ANKS1B: variants seen among roughly 807,000 people sequenced by gnomAD.
ANKS1B encodes ankyrin repeat and sterile alpha motif domain-containing protein 1B.
A neutral mutation model predicts 148.3 loss-of-function variants in ANKS1B; 36 were observed. That is an observed-to-expected ratio of 0.24 (90% CI 0.19 to 0.32). ANKS1B has a LOEUF of 0.32. Ranked by LOEUF, ANKS1B falls within the 10% of genes least tolerant of loss-of-function variation. The pLI is 1.00. For synonymous variants in ANKS1B, 542 were observed against 560.8 expected (o/e 0.97, Z 0.47); for missense variants, 1,157 against 1,542.6 (o/e 0.75, Z 4.19).
intron 11 of ANKS1B, among the ~76,000 whole-genome samples, chr12:99,428,732 T>C (rs996528822): frequency 2.0e-5 from 3 of 152,120 alleles, no homozygotes; most frequent in Non-Finnish European, 2.9e-5. Flanking sequence ...AACAGTGACA[T>C]CCCAGTAGCA....
chr12:99,232,659 G>C (rs531931343), intron 14 of ANKS1B, among the ~76,000 whole-genome samples: 1 of 152,278 alleles, frequency 6.6e-6, no homozygotes, highest in South Asian at 2.1e-4. Context: ...TTCCTAACTT[G>C]AAAGCACTTT....
At chr12:98,917,517 C>T (rs1017549645) in intron 17 of ANKS1B, among the ~76,000 whole-genome samples, 15 of 152,196 alleles carry the variant, frequency 9.9e-5, no homozygotes, top group Non-Finnish European at 2.1e-4. Context: ...ACTCAATTTC[C>T]ATTTGCATGA....
At chr12:99,356,264 G>C (rs537749064) in intron 12 of ANKS1B, among the ~76,000 whole-genome samples, 2 of 152,130 alleles carry the variant, frequency 1.3e-5, no homozygotes, top group African/African-American at 4.8e-5. Flanking sequence ...CTGTGCCAGC[G>C]TAAGTTGCTG....
chr12:99,022,212 A>G (rs929511506), intron 17 of ANKS1B, among the ~76,000 whole-genome samples: 5 of 152,162 alleles, frequency 3.3e-5, no homozygotes, highest in Non-Finnish European at 7.3e-5. Flanking sequence ...AAATATTGCT[A>G]TACCTATTCC....
chr12:99,049,780 T>C (rs2099964763), intron 17 of ANKS1B, among the ~76,000 whole-genome samples: 2 of 152,228 alleles, frequency 1.3e-5, no homozygotes, highest in Non-Finnish European at 2.9e-5. Flanking sequence ...GGGACACACG[T>C]GGATATTGCT....
At chr12:99,496,911 G>A (rs936791159) in intron 10 of ANKS1B, among the ~76,000 whole-genome samples, 4 of 152,122 alleles carry the variant, frequency 2.6e-5, no homozygotes, top group African/African-American at 9.7e-5. Context: ...TGAAAGCCAG[G>A]CAGGTTGTGT....
Position 99,871,586 on chromosome 12 carries a change from T to C in ANKS1B, c.135-46197A>G, listed in dbSNP as rs546498291. The stretch of plus-strand genomic sequence containing the variant: ...ATGTTTGTGTCATCTATAATTTCTT[T>C]CAGCAGTGTTTAGTAGTTCTCCTTG... On this transcript the variant is annotated intron_variant, in intron 1 of 26. Coordinates refer to ENST00000683438, the MANE Select transcript of ANKS1B (RefSeq NM_001352186.2). Among the ~76,000 whole-genome samples the C allele has an allele frequency of 4.6e-5, 7 of 152,344 alleles. 1 individual carries two copies. The South Asian group carries it at 1.4e-3, about 32-fold the overall frequency.
intron 9 of ANKS1B, among the ~76,000 whole-genome samples, chr12:99,527,921 T>C (rs12312150): frequency 0.013 from 2,026 of 150,676 alleles, 41 homozygotes; most frequent in African/African-American, 0.047. Context: ...AAGGCAATTC[T>C]AAGCATAAAG....
chr12:99,935,539 G>A (rs987290009), intron 1 of ANKS1B, among the ~76,000 whole-genome samples: 2 of 151,788 alleles, frequency 1.3e-5, no homozygotes, highest in African/African-American at 4.8e-5. Flanking sequence ...TAACATCACT[G>A]GTTGCTGACA....
At position 98,751,007 on chromosome 12, in the gene ANKS1B, T is replaced by A. The variant is rs1006952642; in HGVS notation, c.3747+348A>T. ...GCTTGTAGGAGGCTTTGCCCTCTGA[T>A]GGGATGGCAGCTGAAGCCCCAGGGA... On this transcript the variant is annotated intron_variant, in intron 26 of 26. Coordinates refer to ENST00000683438, the MANE Select transcript of ANKS1B (RefSeq NM_001352186.2). This position sits in a 1 kb window ranked among gnomAD's most constrained non-coding sequence, Gnocchi z 4.3. Among the ~76,000 whole-genome samples the A allele has an allele frequency of 9.2e-5, 14 of 152,182 alleles. No individual in the cohort carries two copies. Among genetic ancestry groups the A allele is most frequent in the African/African-American group, 3.1e-4 (13 of 41,450 alleles).
chr12:99,849,003 C>A (rs935706666), intron 1 of ANKS1B, among the ~76,000 whole-genome samples: 1 of 151,866 alleles, frequency 6.6e-6, no homozygotes, highest in African/African-American at 2.4e-5. Flanking sequence ...GGTATACATG[C>A]ACATAAAGAT....
chr12:99,547,170 A>G (rs1228517502), intron 9 of ANKS1B, among the ~76,000 whole-genome samples: 1 of 152,128 alleles, frequency 6.6e-6, no homozygotes, highest in African/African-American at 2.4e-5. Context: ...TTTACTTTCT[A>G]GATCTTAGAC....
intron 12 of ANKS1B, among the ~76,000 whole-genome samples, chr12:99,249,177 T>A (rs2074252407): frequency 6.6e-6 from 1 of 152,146 alleles, no homozygotes; most frequent in South Asian, 2.1e-4. Flanking sequence ...TGAAAGTTGC[T>A]GAAGAAGGAT....
At chr12:99,514,345 A>G (rs1442303155) in intron 9 of ANKS1B, among the ~76,000 whole-genome samples, 1 of 152,088 alleles carries the variant, frequency 6.6e-6, no homozygotes, top group Non-Finnish European at 1.5e-5. Context: ...TTTAATAAAC[A>G]TTTGTCAAAG....
intron 1 of ANKS1B, among the ~76,000 whole-genome samples, chr12:99,919,183 G>A (rs1023644897): frequency 2.0e-5 from 3 of 152,070 alleles, no homozygotes; most frequent in Non-Finnish European, 2.9e-5. Context: ...TCCTAAAAGT[G>A]ATATGATAGA....
chr12:98,803,331 C>A (rs2153599969), intron 20 of ANKS1B, among the ~76,000 whole-genome samples: 1 of 152,240 alleles, frequency 6.6e-6, no homozygotes, highest in South Asian at 2.1e-4. Context: ...AAGCTTTACC[C>A]AAATCTATCA....
chr12:99,453,309 G>GA (rs949254532), intron 10 of ANKS1B, among the ~76,000 whole-genome samples: 30 of 150,026 alleles, frequency 2.0e-4, no homozygotes, highest in South Asian at 4.2e-4. Flanking sequence ...GAATAAAAAA[G>GA]AAAAAAAAAG....
chr12:99,488,894 A>G (rs1334680850), intron 10 of ANKS1B, among the ~76,000 whole-genome samples: 2 of 152,154 alleles, frequency 1.3e-5, no homozygotes, highest in African/African-American at 4.8e-5. Context: ...GCTTTAACAA[A>G]AACTTGACAG....
chr12:99,368,465 G>C (rs923900594), intron 12 of ANKS1B, among the ~76,000 whole-genome samples: 1 of 151,732 alleles, frequency 6.6e-6, no homozygotes, highest in African/African-American at 2.4e-5. Flanking sequence ...TATATGCTAG[G>C]ATAAAACAAA....
Sources: gnomAD v4.1 joint callset for allele counts (sites outside exome capture counted in the v4.1 genomes callset) on GRCh38, gnomAD v4.1.1 for gene constraint, Gnocchi (gnomAD v3.1) non-coding constraint, MANE v1.5 for transcripts, NCBI Gene and HGNC (gene_info 2026-07-23, HGNC 2026-07-21) for gene names.